Variants in ARHGAP25 observed in about 807,000 individuals in gnomAD.
ARHGAP25 encodes Rho GTPase activating protein 25, also known as rho GTPase-activating protein 25.
Under a neutral mutation model 71.0 loss-of-function variants are expected in ARHGAP25, and 34 were observed. That is an observed-to-expected ratio of 0.48 (90% CI 0.36 to 0.64). The LOEUF (loss-of-function observed/expected upper bound fraction) is 0.64. Ranked by LOEUF, ARHGAP25 falls within the 30% of genes least tolerant of loss-of-function variation. The pLI is 0.00. For missense variants in ARHGAP25, 706 were observed against 805.1 expected, an observed-to-expected ratio of 0.88 and a Z score of 1.49; for synonymous variants, 282 against 296.5, an observed-to-expected ratio of 0.95 and a Z score of 0.50.
At chr2:68,800,597 CTT>C (rs1201811190) in intron 4 of ARHGAP25, among the ~76,000 whole-genome samples, 1 of 152,096 alleles carries the variant, frequency 6.6e-6, no homozygotes, top group African/African-American at 2.4e-5. Flanking sequence ...TCCCTTGAGA[CTT>C]TATGATCTCT....
rs1317008006 is a variant in ARHGAP25, at chr2:68,767,350, G to C, written c.62-7871G>C. 6.6e-6 allele frequency among the ~76,000 whole-genome samples: 1 copy of C among 152,054 alleles called. No homozygotes were observed. Among genetic ancestry groups the C allele is most frequent in the Non-Finnish European group, 1.5e-5 (1 of 68,016 alleles). ...GTCACATGTCCTAATTTCCTTCTGG[G>C]TGGAAACTGAGGGCCATCATCCCGC... is the stretch of plus-strand genomic sequence containing the variant. On this transcript the variant is annotated intron_variant, in intron 1 of 10. Coordinates refer to ENST00000409202, the MANE Select transcript of ARHGAP25 (RefSeq NM_001007231.3). This position sits in a 1 kb window ranked among gnomAD's most constrained non-coding sequence, Gnocchi z 4.6.
intron 2 of ARHGAP25, among the ~76,000 whole-genome samples, chr2:68,713,927 G>A (rs1436321992): frequency 6.6e-6 from 1 of 152,164 alleles, no homozygotes; most frequent in African/African-American, 2.4e-5. Flanking sequence ...GTTCATCAGG[G>A]ATATTGGCCT....
At chr2:68,772,991 C>G (rs1298020372) in intron 1 of ARHGAP25, among the ~76,000 whole-genome samples, 3 of 152,220 alleles carry the variant, frequency 2.0e-5, no homozygotes, top group Non-Finnish European at 2.9e-5. Context: ...TCAAATATGT[C>G]TTGCAACGTG....
At chr2:68,786,166 C>T (rs1347003800) in intron 3 of ARHGAP25, among the ~76,000 whole-genome samples, 1 of 152,198 alleles carries the variant, frequency 6.6e-6, no homozygotes, top group African/African-American at 2.4e-5. Flanking sequence ...CATTCAGGAA[C>T]ATCTTGAGAG....
At chr2:68,744,537 AGGG>A (rs1459209328) in intron 1 of ARHGAP25, among the ~76,000 whole-genome samples, 1 of 152,204 alleles carries the variant, frequency 6.6e-6, no homozygotes, top group Non-Finnish European at 1.5e-5. Context: ...CTCCCACTAA[AGGG>A]AATTAGACAT....
rs765355937 is a variant in ARHGAP25 at position 68,816,299 on chromosome 2, A to G, written c.818A>G (p.Glu273Gly). The change falls in exon 7 of 11, where the codon GAG becomes GGG. Residue 273 changes from glutamate to glycine, a missense_variant. Glu to Gly is a moderately conservative substitution (Grantham distance 98, BLOSUM62 -2). Transcript: ENST00000409202. ...TAAATCTCTTCCCAGGCTCAGCAGG[A>G]GTTGATGAAGCAGCTCTCCATCCTT... ...TNADEAKAQQ[E>G]LMKQLSILPR... The G allele has an allele frequency of 6.2e-7, 1 of 1,613,582 alleles. No homozygotes were observed. The highest frequency in any genetic ancestry group is 8.5e-7 in the Non-Finnish European group (1 of 1,179,572).
intron 5 of ARHGAP25, among the ~76,000 whole-genome samples, chr2:68,810,221 A>T (rs1680684082): frequency 6.6e-6 from 1 of 152,188 alleles, no homozygotes; most frequent in African/African-American, 2.4e-5. Context: ...AATTTAGACC[A>T]TAAAATAGAC....
intron 2 of ARHGAP25, among the ~76,000 whole-genome samples, chr2:68,711,501 T>G (rs569157388): frequency 2.0e-5 from 3 of 152,280 alleles, no homozygotes; most frequent in Non-Finnish European, 4.4e-5. Context: ...TAAGCTCCAT[T>G]CACAACCTCC....
intron 2 of ARHGAP25, among the ~76,000 whole-genome samples, chr2:68,718,480 C>T (rs1181650204): frequency 1.3e-5 from 2 of 152,038 alleles, no homozygotes; most frequent in African/African-American, 4.8e-5. Flanking sequence ...TTGACTTAAT[C>T]GCATCTGCAA....
rs563319506 is a variant in ARHGAP25 at position 68,774,435 on chromosome 2, A to G, written c.62-786A>G. On this transcript the variant is annotated intron_variant, in intron 1 of 10. Transcript: ENST00000409202. ...AAGCCAAATATACCATGCTGAGTGC[A>G]TGCAGGTTCAAGGGGCTCTGGCTTC... Among the ~76,000 whole-genome samples the G allele has an allele frequency of 2.3e-4, 35 of 152,356 alleles. 1 individual carries two copies. In the East Asian group the frequency reaches 6.7e-3, roughly 29 times the overall value.
chr2:68,730,863 A>G (rs1675005286), upstream of ARHGAP25, among the ~76,000 whole-genome samples: 1 of 147,720 alleles, frequency 6.8e-6, no homozygotes, highest in South Asian at 2.2e-4. Flanking sequence ...TTCTCCTCTC[A>G]CTCCCCCACC....
intron 5 of ARHGAP25, among the ~76,000 whole-genome samples, chr2:68,807,898 G>A (rs904741746): frequency 5.9e-5 from 9 of 152,132 alleles, no homozygotes; most frequent in African/African-American, 1.9e-4. Context: ...GGGCACCAGC[G>A]GCTTTCGTTA....
chr2:68,719,316 G>A (rs1473116931), intron 2 of ARHGAP25, among the ~76,000 whole-genome samples: 1 of 151,330 alleles, frequency 6.6e-6, no homozygotes, highest in African/African-American at 2.4e-5. Context: ...GGGCAGTTTT[G>A]AAAGACTGCG....
At chr2:68,733,613 G>A (rs543837552), upstream of ARHGAP25, among the ~76,000 whole-genome samples, 1 of 152,188 alleles carries the variant, frequency 6.6e-6, no homozygotes, top group Non-Finnish European at 1.5e-5. Context: ...ATTGTACCAA[G>A]AATAAGGTCA....
At chr2:68,781,278 T>C (rs1428933345) in intron 2 of ARHGAP25, among the ~76,000 whole-genome samples, 13 of 152,072 alleles carry the variant, frequency 8.5e-5, no homozygotes. Context: ...TAGTGCCAGA[T>C]ACTCAAGAGG....
rs1682114405 is a variant in ARHGAP25, at chr2:68,826,128, C to A, written c.1875C>A (p.Asn625Lys). The change falls in exon 11 of 11, where the codon AAC becomes AAA. Residue 625 changes from asparagine to lysine, a missense_variant. Transcript: ENST00000409202. ...ERSREDVEKRNKALEEEVKEF... is the reference protein window; with the variant it reads ...ERSREDVEKRKKALEEEVKEF... Reference sequence around the variant, plus strand: ...CCCGGGAGGATGTTGAGAAGAGGAACAAGGCCTTGGAAGAAGAAGTCAAGG... The same window carrying A: ...CCCGGGAGGATGTTGAGAAGAGGAAAAAGGCCTTGGAAGAAGAAGTCAAGG... 7.4e-6 allele frequency: 12 copies of A among 1,614,104 alleles called. No homozygotes were observed. Among genetic ancestry groups the A allele is most frequent in the South Asian group, 6.6e-5 (6 of 91,074 alleles).
At chr2:68,816,148 C>T in intron 6 of ARHGAP25, 141 bp from the exon 7 acceptor site, 1 of 747,754 alleles carries the variant, frequency 1.3e-6, no homozygotes, top group Non-Finnish European at 2.4e-6. Context: ...TTTTTTAAAC[C>T]CACAGAACTA....
At chr2:68,774,833 T>C (rs1177006703) in intron 1 of ARHGAP25, 13 of 1,152,320 alleles carry the variant, frequency 1.1e-5, no homozygotes, top group Non-Finnish European at 1.4e-5. Flanking sequence ...TATTTTCTCC[T>C]CTCTCTTGTC....
At chr2:68,747,060 G>A (rs762868812) in intron 1 of ARHGAP25, among the ~76,000 whole-genome samples, 2 of 150,424 alleles carry the variant, frequency 1.3e-5, no homozygotes, top group Non-Finnish European at 3.0e-5. Flanking sequence ...TCTTGACACA[G>A]GCTTTCAAAT....
Sources: gnomAD v4.1 joint callset for allele counts (sites outside exome capture counted in the v4.1 genomes callset) on GRCh38, gnomAD v4.1.1 for gene constraint, Gnocchi (gnomAD v3.1) non-coding constraint, MANE v1.5 for transcripts, NCBI Gene and HGNC (gene_info 2026-07-23, HGNC 2026-07-21) for gene names.